Variants in ANKRD6 observed in about 807,000 individuals in gnomAD.
ANKRD6 encodes the protein ankyrin repeat domain-containing protein 6.
A neutral mutation model predicts 82.3 loss-of-function variants in ANKRD6; 56 were observed. That is an observed-to-expected ratio of 0.68 (90% CI 0.55 to 0.85). ANKRD6 has a LOEUF of 0.85. Among genes scored for constraint, ANKRD6 ranks in the 40% least tolerant of loss-of-function variants. The probability of loss-of-function intolerance (pLI) is 0.00; values close to 1 mark genes in which losing one functional copy is unlikely to be tolerated. For missense variants in ANKRD6, 852 were observed against 907.6 expected (o/e 0.94, Z 0.79); for synonymous variants, 347 against 352.1 (o/e 0.99, Z 0.16).
intron 1 of ANKRD6, among the ~76,000 whole-genome samples, chr6:89,566,422 C>T (rs1000767795): frequency 7.2e-5 from 11 of 152,196 alleles, no homozygotes; most frequent in Non-Finnish European, 8.8e-5. Context: ...GGAAGCGGCA[C>T]GTTAGCCATG....
At chr6:89,436,394 C>T (rs1352741771) in intron 1 of ANKRD6, among the ~76,000 whole-genome samples, 1 of 152,170 alleles carries the variant, frequency 6.6e-6, no homozygotes, top group Non-Finnish European at 1.5e-5. Context: ...CAAACTACCT[C>T]CAGTTAATAG....
At chr6:89,623,814 G>T in intron 11 of ANKRD6, 58 bp from the exon 12 acceptor site, 1 of 1,530,472 alleles carries the variant, frequency 6.5e-7, no homozygotes, top group Non-Finnish European at 8.8e-7. Context: ...GCCACCGACT[G>T]GTGTCAGTCT....
At chr6:89,577,413 G>T (rs763510186) in intron 2 of ANKRD6, among the ~76,000 whole-genome samples, 1 of 152,122 alleles carries the variant, frequency 6.6e-6, no homozygotes, top group Non-Finnish European at 1.5e-5. Flanking sequence ...TTTTATAAAT[G>T]AACATATTCT....
chr6:89,594,492 A>G (rs1795493103), intron 2 of ANKRD6, among the ~76,000 whole-genome samples: 1 of 152,184 alleles, frequency 6.6e-6, no homozygotes, highest in African/African-American at 2.4e-5. Context: ...CAAGCAACAC[A>G]ATGTTTATAT....
At chr6:89,524,655 A>G (rs927903275) in intron 1 of ANKRD6, among the ~76,000 whole-genome samples, 2 of 152,090 alleles carry the variant, frequency 1.3e-5, no homozygotes, top group Non-Finnish European at 2.9e-5. Flanking sequence ...CTGGTTTCAT[A>G]TTTTTGCAGT....
intron 1 of ANKRD6, among the ~76,000 whole-genome samples, chr6:89,449,195 ATG>A (rs1772507464): frequency 6.6e-6 from 1 of 152,224 alleles, no homozygotes; most frequent in Non-Finnish European, 1.5e-5. Context: ...GGAGGTCAAA[ATG>A]TCAACATTAA....
At chr6:89,559,318 C>T (rs1787059153) in intron 1 of ANKRD6, among the ~76,000 whole-genome samples, 1 of 152,112 alleles carries the variant, frequency 6.6e-6, no homozygotes, top group Non-Finnish European at 1.5e-5. Flanking sequence ...GTGTCTTCTC[C>T]CCTTCTAACC....
At chr6:89,552,298 A>T (rs1233172042) in intron 1 of ANKRD6, among the ~76,000 whole-genome samples, 1 of 152,224 alleles carries the variant, frequency 6.6e-6, no homozygotes, top group Non-Finnish European at 1.5e-5. Context: ...TCTTCCTGCC[A>T]TGGACTGCAC....
At chr6:89,596,116 T>C (rs921857782) in intron 3 of ANKRD6, 102 bp downstream of exon 3, 5 of 990,748 alleles carry the variant, frequency 5.0e-6, no homozygotes, top group Non-Finnish European at 7.8e-6. Flanking sequence ...TAGTAGATGC[T>C]CTCGCAGCAC....
At chr6:89,499,679 G>A (rs1779046365) in intron 1 of ANKRD6, among the ~76,000 whole-genome samples, 1 of 152,028 alleles carries the variant, frequency 6.6e-6, no homozygotes. Context: ...CATAATGCAT[G>A]GTAAGAAACG....
chr6:89,455,214 C>T (rs1255914445), intron 1 of ANKRD6, among the ~76,000 whole-genome samples: 3 of 150,934 alleles, frequency 2.0e-5, no homozygotes, highest in African/African-American at 7.3e-5. Flanking sequence ...CATTGCTATA[C>T]AGAAATAGAT....
chr6:89,499,527 C>T (rs915416414), intron 1 of ANKRD6, among the ~76,000 whole-genome samples: 3 of 152,054 alleles, frequency 2.0e-5, no homozygotes, highest in African/African-American at 4.8e-5. Flanking sequence ...TCTAGTTTAA[C>T]GTTTCTCAAC....
chr6:89,616,690 G>A, intron 8 of ANKRD6, 33 bp downstream of exon 8: 1 of 1,602,788 alleles, frequency 6.2e-7, no homozygotes, highest in Non-Finnish European at 8.5e-7. Context: ...TTTCTAAAGT[G>A]GTTCCCACCC....
chr6:89,493,961 T>TA (rs1310814618), intron 1 of ANKRD6, among the ~76,000 whole-genome samples: 1 of 152,144 alleles, frequency 6.6e-6, no homozygotes, highest in Non-Finnish European at 1.5e-5. Flanking sequence ...TGACACTTGT[T>TA]AAAATGGTAA....
intron 1 of ANKRD6, among the ~76,000 whole-genome samples, chr6:89,540,354 G>A (rs1168166181): frequency 6.6e-6 from 1 of 152,096 alleles, no homozygotes; most frequent in Admixed American, 6.5e-5. Context: ...ATATCTCGTA[G>A]TTTTGGTTTG....
intron 1 of ANKRD6, among the ~76,000 whole-genome samples, chr6:89,544,454 G>A (rs1294361218): frequency 2.0e-5 from 3 of 152,180 alleles, no homozygotes; most frequent in Non-Finnish European, 4.4e-5. Context: ...AGTGGCTCAC[G>A]CCTGTAATCC....
chr6:89,603,223 G>T (rs961704018), intron 4 of ANKRD6, 96 bp downstream of exon 4: 86 of 998,148 alleles, frequency 8.6e-5, no homozygotes, highest in Non-Finnish European at 1.2e-4. Flanking sequence ...TTGAGTCCTC[G>T]AGGTATTATA....
intron 5 of ANKRD6, among the ~76,000 whole-genome samples, chr6:89,608,370 A>ATATATATATATATATATG (rs1799360501): frequency 1.0e-5 from 1 of 99,556 alleles, no homozygotes; most frequent in Non-Finnish European, 2.1e-5. Flanking sequence ...CACACACACT[A>ATATATATATATATATATG]TATATATATA....
intron 1 of ANKRD6, among the ~76,000 whole-genome samples, chr6:89,472,610 C>G (rs1009113605): frequency 2.6e-5 from 4 of 152,180 alleles, no homozygotes; most frequent in African/African-American, 7.2e-5. Flanking sequence ...AGTTATGGAA[C>G]GCTTATAGAA....
Sources: allele counts gnomAD v4.1 joint callset (sites outside exome capture counted in the v4.1 genomes callset), GRCh38; gene constraint gnomAD v4.1.1; transcripts MANE v1.5; gene names NCBI Gene and HGNC (gene_info 2026-07-23, HGNC 2026-07-21).